TARDBP: variants seen among roughly 807,000 people sequenced by gnomAD.
TARDBP encodes the protein TAR DNA-binding protein 43.
Under a neutral mutation model 38.3 loss-of-function variants are expected in TARDBP, and 4 were observed. That is an observed-to-expected ratio of 0.10 (90% CI 0.05 to 0.24). The LOEUF (loss-of-function observed/expected upper bound fraction) is 0.24, where lower values mean the gene tolerates loss of function less well. Ranked by LOEUF, TARDBP falls within the 10% of genes least tolerant of loss-of-function variation. The probability of loss-of-function intolerance (pLI) is 1.00; values close to 1 mark genes in which losing one functional copy is unlikely to be tolerated. For synonymous variants in TARDBP, 184 were observed against 183.8 expected (o/e 1.00, Z -0.01); for missense variants, 202 against 521.9 (o/e 0.39, Z 5.97).
chr1:11,029,967 A>T (rs1643814377), downstream of TARDBP: 1 of 469,326 alleles, frequency 2.1e-6, no homozygotes, highest in Admixed American at 4.0e-5. Flanking sequence ...AAGGTCAAAG[A>T]GAATCAAATG....
chr1:11,020,332 T>C (rs1304068957), intron 4 of TARDBP, 97 bp from the exon 5 acceptor site: 9 of 1,466,592 alleles, frequency 6.1e-6, no homozygotes, highest in African/African-American at 2.8e-5. Context: ...TTCACTGCTA[T>C]CCAAGGCGAA....
downstream of TARDBP, among the ~76,000 whole-genome samples, chr1:11,029,016 A>G (rs1358755830): frequency 4.1e-5 from 6 of 147,586 alleles, no homozygotes; most frequent in South Asian, 1.3e-3. Context: ...TTTTTGAGAC[A>G]GAGTCTCGCT....
At chr1:11,012,988 G>T (rs1288387813) in intron 1 of TARDBP, among the ~76,000 whole-genome samples, 3 of 152,258 alleles carry the variant, frequency 2.0e-5, no homozygotes. Flanking sequence ...GTTGGCCCCG[G>T]ACCCGGACAG....
chr1:11,027,154 A>AT (rs755641908), downstream of TARDBP: 6 of 1,614,046 alleles, frequency 3.7e-6, no homozygotes, highest in Non-Finnish European at 5.1e-6. Context: ...GCAGCAGTAC[A>AT]TTTTTGATGG....
downstream of TARDBP, chr1:11,027,696 C>T (rs745911478): frequency 1.2e-4 from 186 of 1,526,668 alleles, no homozygotes; most frequent in Non-Finnish European, 1.4e-4. Flanking sequence ...AAATGTCAAT[C>T]GTGTTTTTCT....
downstream of TARDBP, chr1:11,027,417 G>A: frequency 6.2e-7 from 1 of 1,614,204 alleles, no homozygotes; most frequent in Non-Finnish European, 8.5e-7. Context: ...CCAGGCTTGT[G>A]TATAATGAGG....
downstream of TARDBP, among the ~76,000 whole-genome samples, chr1:11,028,066 A>C (rs1643770020): frequency 6.6e-6 from 1 of 152,064 alleles, no homozygotes; most frequent in Non-Finnish European, 1.5e-5. Context: ...TACTACATAC[A>C]CAAAAATTAG....
chr1:11,022,678 T>C lies in TARDBP; in HGVS notation c.*24T>C. On this transcript the variant is annotated 3_prime_UTR_variant, in exon 6 of 6. Transcript: ENST00000240185. The surrounding 1 kb of genome is among the most constrained non-coding windows in gnomAD (Gnocchi z 4.5). ...AGACAGTGGGGTTGTGGTTGGTTGG[T>C]ATAGAATGGTGGGAATTCAAATTTT... The C allele has an allele frequency of 6.2e-7, 1 of 1,601,210 alleles. No homozygotes were observed. Among genetic ancestry groups the C allele is most frequent in the Non-Finnish European group, 8.5e-7 (1 of 1,174,024 alleles).
chr1:11,013,152 G>A (rs1458740145), intron 1 of TARDBP, among the ~76,000 whole-genome samples: 1 of 152,244 alleles, frequency 6.6e-6, no homozygotes, highest in South Asian at 2.1e-4. Flanking sequence ...AGGACCTGTC[G>A]CCGCGGGCCT....
At chr1:11,019,260 C>T in intron 4 of TARDBP, 1 of 313,746 alleles carries the variant, frequency 3.2e-6, no homozygotes, top group South Asian at 2.8e-5. Flanking sequence ...TTTGGAACAT[C>T]ATCATCTTTG....
downstream of TARDBP, among the ~76,000 whole-genome samples, chr1:11,028,937 T>G (rs147852480): frequency 4.2e-3 from 640 of 151,142 alleles, 2 homozygotes; most frequent in Non-Finnish European, 6.7e-3. Context: ...CTGGTCTTGA[T>G]CTCCTGACCT....
rs771370633 is a variant in TARDBP at position 11,022,096 on chromosome 1, C to G, written c.715-28C>G. ...ATATATGAATCAGTGGTTTAATCTT[C>G]TTTGTTTACATCCCTTATTTCTTAT... On this transcript the variant is annotated intron_variant, in intron 5 of 5. Coordinates refer to ENST00000240185, the MANE Select transcript of TARDBP (RefSeq NM_007375.4). The surrounding 1 kb of genome is among the most constrained non-coding windows in gnomAD (Gnocchi z 4.5). 2 of 1,613,520 alleles carry G rather than the reference C, an allele frequency of 1.2e-6. No homozygotes were observed. Among genetic ancestry groups the G allele is most frequent in the Non-Finnish European group, 1.7e-6 (2 of 1,179,544 alleles).
chr1:11,026,030 C>G (rs1187876002), downstream of TARDBP: 1 of 83,108 alleles, frequency 1.2e-5, no homozygotes, highest in Non-Finnish European at 4.3e-5. Context: ...AATGTCACCA[C>G]TTATTTCTAA....
chr1:11,017,434 C>A (rs1476328447), intron 3 of TARDBP, among the ~76,000 whole-genome samples: 1 of 152,126 alleles, frequency 6.6e-6, no homozygotes, highest in African/African-American at 2.4e-5. Context: ...CTCCTGACCT[C>A]AAGTGATCCA....
chr1:11,029,766 G>C (rs1400553241), downstream of TARDBP: 1 of 153,572 alleles, frequency 6.5e-6, no homozygotes, highest in Non-Finnish European at 1.4e-5. Flanking sequence ...AGCCGCTCGA[G>C]TAGCTGGGAT....
chr1:11,028,914 C>T (rs1456852432), downstream of TARDBP, among the ~76,000 whole-genome samples: 6 of 150,210 alleles, frequency 4.0e-5, no homozygotes, highest in Non-Finnish European at 1.5e-5. Flanking sequence ...GGGGTTTCAC[C>T]GTTTTAGCCA....
rs770659882 is a variant in TARDBP at position 11,023,178 on chromosome 1, A to G, written c.*524A>G. On this transcript the variant is annotated 3_prime_UTR_variant, in exon 6 of 6. Coordinates refer to ENST00000240185, the MANE Select transcript of TARDBP (RefSeq NM_007375.4). ...CACAAAAGTACAATATGAAGCCTTC[A>G]TTTAATCTCTGCAGTTCATCTCATT... 1 of 1,550,268 alleles carries G rather than the reference A, an allele frequency of 6.5e-7. No individual in the cohort carries two copies. Among genetic ancestry groups the G allele is most frequent in the African/African-American group, 1.4e-5 (1 of 73,156 alleles).
intron 2 of TARDBP, among the ~76,000 whole-genome samples, chr1:11,014,168 A>G (rs1643469485): frequency 6.6e-6 from 1 of 152,228 alleles, no homozygotes; most frequent in South Asian, 2.1e-4. Context: ...AGAGAAAACA[A>G]TGTATTTAAA....
At chr1:11,018,363 A>AT (rs1337345122) in intron 3 of TARDBP, 9 of 197,974 alleles carry the variant, frequency 4.5e-5, no homozygotes, top group East Asian at 2.6e-4. Flanking sequence ...TAATCTTTGT[A>AT]TTTTTTGTAG....
Sources: allele counts gnomAD v4.1 joint callset (sites outside exome capture counted in the v4.1 genomes callset), GRCh38; gene constraint gnomAD v4.1.1; non-coding constraint Gnocchi (gnomAD v3.1); transcripts MANE v1.5; gene names NCBI Gene and HGNC (gene_info 2026-07-23, HGNC 2026-07-21).